Variants in SORCS3 observed in about 807,000 individuals in gnomAD.
The protein encoded by SORCS3 is sortilin related VPS10 domain containing receptor 3.
A neutral mutation model predicts 146.3 loss-of-function variants in SORCS3; 57 were observed. The ratio of observed to expected loss-of-function variants is 0.39; its 90% CI spans 0.31 to 0.49. The LOEUF is 0.49. SORCS3 is among the 20% of genes least tolerant of loss of function. The probability of loss-of-function intolerance (pLI) is 0.92; values close to 1 mark genes in which losing one functional copy is unlikely to be tolerated. For missense variants in SORCS3, 1,341 were observed against 1,575.5 expected (o/e 0.85, Z 2.52); for synonymous variants, 653 against 618.5 (o/e 1.06, Z -0.83).
At chr10:104,894,262 A>C (rs1385294571) in intron 2 of SORCS3, among the ~76,000 whole-genome samples, 1 of 152,224 alleles carries the variant, frequency 6.6e-6, no homozygotes, top group Non-Finnish European at 1.5e-5. Flanking sequence ...GGAAAAAGGC[A>C]TTGCTCTTTT....
At chr10:105,114,556 G>C (rs950554591) in intron 7 of SORCS3, among the ~76,000 whole-genome samples, 1 of 152,266 alleles carries the variant, frequency 6.6e-6, no homozygotes, top group East Asian at 1.9e-4. Context: ...CAGGGAAAGG[G>C]TAGGAACCCT....
intron 2 of SORCS3, among the ~76,000 whole-genome samples, chr10:104,872,736 A>G (rs376358886): frequency 3.3e-4 from 50 of 152,126 alleles, no homozygotes; most frequent in African/African-American, 1.2e-3. Context: ...TCCTTTCTTT[A>G]GCTCTATCTC....
chr10:105,001,826 T>G (rs2055063676), intron 4 of SORCS3, among the ~76,000 whole-genome samples: 1 of 152,166 alleles, frequency 6.6e-6, no homozygotes. Flanking sequence ...TGTCTTTCAA[T>G]CCTTTGGAAA....
intron 1 of SORCS3, among the ~76,000 whole-genome samples, chr10:104,812,093 G>A (rs1181638493): frequency 1.3e-5 from 2 of 152,188 alleles, no homozygotes; most frequent in Admixed American, 6.5e-5. Flanking sequence ...CACCCTGAAA[G>A]GATCCAGATG....
intron 20 of SORCS3, among the ~76,000 whole-genome samples, chr10:105,244,274 A>AAT (rs1331826763): frequency 5.1e-4 from 77 of 150,644 alleles, no homozygotes; most frequent in Admixed American, 1.5e-3. Context: ...AGGAAAAAAA[A>AAT]ATATATATAT....
chr10:104,790,549 G>A (rs771644111), intron 1 of SORCS3, among the ~76,000 whole-genome samples: 3 of 152,066 alleles, frequency 2.0e-5, no homozygotes, highest in South Asian at 2.1e-4. Flanking sequence ...CCAATGCTCC[G>A]GATGAAAACA....
chr10:105,039,778 G>A (rs986250180), intron 4 of SORCS3, among the ~76,000 whole-genome samples: 3 of 152,064 alleles, frequency 2.0e-5, no homozygotes, highest in Non-Finnish European at 4.4e-5. Flanking sequence ...ATGTTAGAAA[G>A]AGCGTGAGAG....
chr10:105,137,387 G>A (rs1020439934), intron 7 of SORCS3, among the ~76,000 whole-genome samples: 1 of 152,058 alleles, frequency 6.6e-6, no homozygotes, highest in Non-Finnish European at 1.5e-5. Context: ...TGATGAAAAT[G>A]TTTTAGAACT....
intron 1 of SORCS3, among the ~76,000 whole-genome samples, chr10:104,829,603 G>T (rs577480713): frequency 6.1e-4 from 93 of 152,286 alleles, no homozygotes; most frequent in Non-Finnish European, 8.7e-4. Context: ...GAGGAATCTG[G>T]ATTGATTCTA....
rs558989498 is a variant in SORCS3, at chr10:104,977,162, C to T, written c.796-173C>T. Among the ~76,000 whole-genome samples, 6 of 152,124 alleles carry T rather than the reference C, an allele frequency of 3.9e-5. No homozygotes were observed. The South Asian group carries it at 1.2e-3, about 32-fold the overall frequency. ...GCCCCCTATTTTTACCTCAATTCGA[C>T]AATGAGAGACTAAATCAGGAGAAAA... On this transcript the variant is annotated intron_variant, in intron 3 of 26. Transcript: ENST00000369701.
intron 7 of SORCS3, among the ~76,000 whole-genome samples, chr10:105,133,904 A>T (rs2056039385): frequency 6.6e-6 from 1 of 152,164 alleles, no homozygotes; most frequent in African/African-American, 2.4e-5. Context: ...GCTTCAGTGA[A>T]CCATGATTGT....
At chr10:104,798,749 A>G (rs1472679186) in intron 1 of SORCS3, among the ~76,000 whole-genome samples, 1 of 152,250 alleles carries the variant, frequency 6.6e-6, no homozygotes, top group Non-Finnish European at 1.5e-5. Context: ...AACTATCATT[A>G]GAGTGAACAG....
At chr10:104,963,847 A>G (rs2054811410) in intron 3 of SORCS3, among the ~76,000 whole-genome samples, 1 of 152,158 alleles carries the variant, frequency 6.6e-6, no homozygotes, top group Non-Finnish European at 1.5e-5. Flanking sequence ...GTTAGTTCCA[A>G]TTTGTAATTA....
intron 20 of SORCS3, among the ~76,000 whole-genome samples, chr10:105,244,837 G>T (rs2056856181): frequency 6.6e-6 from 1 of 152,066 alleles, no homozygotes; most frequent in Non-Finnish European, 1.5e-5. Flanking sequence ...GGGAGACTGA[G>T]GTGGGTGGAT....
rs2056419338 is a variant in SORCS3 at position 105,178,119 on chromosome 10, C to G, written c.1955C>G (p.Pro652Arg). The stretch of plus-strand genomic sequence containing the variant: ...GACAAGTATGGTTTCACTTCGGTTC[C>G]TCTCTTTGTTGACGGGGCTCTGGTG... The part of the protein sequence containing the change: ...SWDKYGFTSV[P>R]LFVDGALVEA... The change falls in exon 14 of 27, where the codon CCT becomes CGT. Residue 652 changes from proline (P) to arginine (R), a missense_variant. Coordinates refer to ENST00000369701, the MANE Select transcript of SORCS3 (RefSeq NM_014978.3). 6.2e-7 allele frequency: 1 copy of G among 1,613,484 alleles called. No individual in the cohort carries two copies. Among genetic ancestry groups the G allele is most frequent in the Admixed American group, 1.7e-5 (1 of 59,934 alleles).
chr10:105,265,112 T>A lies in SORCS3; in HGVS notation c.*1738T>A, dbSNP rs1245229470. The A allele has an allele frequency of 1.3e-5, 2 of 152,604 alleles. No individual in the cohort carries two copies. The highest frequency in any genetic ancestry group is 4.8e-5 in the African/African-American group (2 of 41,444). 9.5% of individuals were successfully genotyped at this position (152,604 alleles called of 1,614,324 possible). On this transcript the variant is annotated 3_prime_UTR_variant, in exon 27 of 27. Coordinates refer to ENST00000369701, the MANE Select transcript of SORCS3 (RefSeq NM_014978.3). ...CACTGGAATACAAATGCATGACTCA[T>A]ATCTATATATACAGTATATGTACAT...
At chr10:105,228,979 G>T (rs905874671) in intron 20 of SORCS3, among the ~76,000 whole-genome samples, 1 of 151,952 alleles carries the variant, frequency 6.6e-6, no homozygotes, top group Non-Finnish European at 1.5e-5. Flanking sequence ...CTGGCATACC[G>T]GCAATTTGAA....
intron 1 of SORCS3, among the ~76,000 whole-genome samples, chr10:104,683,478 A>G (rs1002843274): frequency 6.6e-6 from 1 of 152,208 alleles, no homozygotes; most frequent in Non-Finnish European, 1.5e-5. Flanking sequence ...TATATCTTCC[A>G]GGATGATTTT....
chr10:104,797,047 TACA>T (rs1306829554), intron 1 of SORCS3, among the ~76,000 whole-genome samples: 1 of 152,204 alleles, frequency 6.6e-6, no homozygotes, highest in Non-Finnish European at 1.5e-5. Flanking sequence ...GCCTAGCACT[TACA>T]ACAAGGTGGC....
Sources: allele counts gnomAD v4.1 joint callset (sites outside exome capture counted in the v4.1 genomes callset), GRCh38; gene constraint gnomAD v4.1.1; transcripts MANE v1.5; gene names NCBI Gene and HGNC (gene_info 2026-07-23, HGNC 2026-07-21).